The following SNX24 variants were observed in gnomAD, a reference collection of about 807,000 sequenced individuals.
SNX24 encodes sorting nexin 24.
SNX24 carries 22 observed loss-of-function variants against 28.7 expected under a neutral mutation model. That is an observed-to-expected ratio of 0.77 (90% CI 0.55 to 1.10). The LOEUF is 1.10. SNX24 is among the 50% of genes least tolerant of loss of function. The pLI, the probability that SNX24 is intolerant of heterozygous loss-of-function variation, is 0.00. For missense variants in SNX24, 221 were observed against 201.1 expected, an observed-to-expected ratio of 1.10 and a Z score of -0.60; for synonymous variants, 69 against 71.5, an observed-to-expected ratio of 0.96 and a Z score of 0.18.
intron 1 of SNX24, among the ~76,000 whole-genome samples, chr5:122,860,520 C>A (rs965151705): frequency 6.6e-6 from 1 of 152,122 alleles, no homozygotes; most frequent in Non-Finnish European, 1.5e-5. Flanking sequence ...TCAGATTAGC[C>A]CTGTAGGAGA....
chr5:122,928,375 G>T (rs893437761), intron 1 of SNX24, among the ~76,000 whole-genome samples: 4 of 152,110 alleles, frequency 2.6e-5, no homozygotes, highest in African/African-American at 7.2e-5. Flanking sequence ...ATGCAGAAGG[G>T]ACTTGGTAAA....
chr5:122,959,300 G>GTTT (rs1561658236), intron 3 of SNX24, among the ~76,000 whole-genome samples: 2 of 148,050 alleles, frequency 1.4e-5, no homozygotes, highest in Non-Finnish European at 1.5e-5. Context: ...TTTTTTTTTC[G>GTTT]TGTATTCCAT....
At chr5:122,994,042 GTGTGTGTGTGTA>G (rs955868408) in intron 3 of SNX24, among the ~76,000 whole-genome samples, 2 of 151,950 alleles carry the variant, frequency 1.3e-5, no homozygotes, top group Non-Finnish European at 2.9e-5. Flanking sequence ...GGAAAGAAGT[GTGTGTGTGTGTA>G]TGTGTGTGTG....
chr5:122,994,934 G>A (rs946352497), intron 3 of SNX24, among the ~76,000 whole-genome samples: 5 of 152,094 alleles, frequency 3.3e-5, no homozygotes, highest in African/African-American at 1.2e-4. Context: ...TAATATCGAA[G>A]TGAGTCAAAT....
chr5:123,007,887 C>T lies in SNX24; in HGVS notation c.*138C>T. The T allele has an allele frequency of 6.8e-7, 1 of 1,469,740 alleles. No homozygotes were observed. Among genetic ancestry groups the T allele is most frequent in the Non-Finnish European group, 9.0e-7 (1 of 1,111,740 alleles). The allele number at this position is 1,469,740 out of a possible 1,614,324, so 91.0% of individuals were successfully genotyped here. On this transcript the variant is annotated 3_prime_UTR_variant, in exon 7 of 7. Transcript: ENST00000261369. ...TAAAGTGCACAGTCCCAGCTTAATT[C>T]AGGGCAGGGACATTTCCATTAGAAT...
intron 1 of SNX24, among the ~76,000 whole-genome samples, chr5:122,910,619 TC>T (rs1162781897): frequency 1.8e-5 from 1 of 56,562 alleles, no homozygotes; most frequent in Non-Finnish European, 3.2e-5. Context: ...CCCTCCCCCC[TC>T]CCCCCACCCC....
chr5:122,900,308 A>T (rs548303644), intron 1 of SNX24, among the ~76,000 whole-genome samples: 58 of 152,328 alleles, frequency 3.8e-4, no homozygotes, highest in African/African-American at 1.4e-3. Flanking sequence ...ATCACCTCAC[A>T]TAGTTACAAT....
intron 1 of SNX24, among the ~76,000 whole-genome samples, chr5:122,926,966 C>G (rs553913136): frequency 6.6e-6 from 1 of 152,322 alleles, no homozygotes; most frequent in African/African-American, 2.4e-5. Flanking sequence ...CTCTCGTGAT[C>G]ATTTTCCCTA....
intron 3 of SNX24, among the ~76,000 whole-genome samples, chr5:122,962,072 G>C (rs41500644): frequency 0.037 from 5,618 of 152,214 alleles, 163 homozygotes; most frequent in Admixed American, 0.054. Context: ...TAATTTCTTA[G>C]AACAACGTAT....
At chr5:122,920,456 G>A (rs1474106400) in intron 1 of SNX24, among the ~76,000 whole-genome samples, 2 of 152,178 alleles carry the variant, frequency 1.3e-5, no homozygotes, top group Admixed American at 6.5e-5. Context: ...TGCATGGTTC[G>A]ATATGAATGA....
intron 1 of SNX24, among the ~76,000 whole-genome samples, chr5:122,859,999 T>TA: frequency 6.6e-6 from 1 of 152,200 alleles, no homozygotes. Context: ...TGGCTGCCCT[T>TA]AGAGACAATA....
At chr5:122,898,650 T>A (rs1032497263) in intron 1 of SNX24, among the ~76,000 whole-genome samples, 2 of 152,142 alleles carry the variant, frequency 1.3e-5, no homozygotes, top group Non-Finnish European at 2.9e-5. Context: ...ACATTTTGTT[T>A]CTTAAAAAAA....
At chr5:122,896,453 T>G (rs1306973806) in intron 1 of SNX24, among the ~76,000 whole-genome samples, 1 of 152,236 alleles carries the variant, frequency 6.6e-6, no homozygotes, top group Non-Finnish European at 1.5e-5. Context: ...TAGCTGCAGC[T>G]GGCGAATGCT....
At chr5:122,960,803 A>G (rs1247217698) in intron 3 of SNX24, among the ~76,000 whole-genome samples, 2 of 152,170 alleles carry the variant, frequency 1.3e-5, no homozygotes, top group Admixed American at 6.5e-5. Context: ...CTACATTTCA[A>G]AAGACTCACA....
chr5:122,996,029 A>G (rs1219724104), intron 3 of SNX24, among the ~76,000 whole-genome samples: 1 of 152,208 alleles, frequency 6.6e-6, no homozygotes, highest in East Asian at 1.9e-4. Flanking sequence ...GCATTTTAGA[A>G]TAATATATAG....
intron 1 of SNX24, among the ~76,000 whole-genome samples, chr5:122,850,823 G>A (rs1034279230): frequency 1.3e-5 from 2 of 151,140 alleles, no homozygotes; most frequent in Non-Finnish European, 2.9e-5. Context: ...CAGAGAAAGA[G>A]TGAGGAAAGA....
chr5:122,863,895 G>C (rs557246623), intron 1 of SNX24, among the ~76,000 whole-genome samples: 11 of 151,172 alleles, frequency 7.3e-5, no homozygotes, highest in African/African-American at 2.7e-4. Flanking sequence ...GCAGAGGAGC[G>C]ACGTGATTCA....
chr5:122,905,517 G>A (rs151091743), intron 1 of SNX24, among the ~76,000 whole-genome samples: 2,035 of 152,310 alleles, frequency 0.013, 40 homozygotes, highest in African/African-American at 0.032. Flanking sequence ...CTAACATGAT[G>A]CTCAAAGGAA....
chr5:122,899,286 G>T (rs1459367107), intron 1 of SNX24, among the ~76,000 whole-genome samples: 1 of 152,220 alleles, frequency 6.6e-6, no homozygotes, highest in East Asian at 1.9e-4. Flanking sequence ...GGCATAGGTA[G>T]TAGCAGCAGT....
Sources: allele counts gnomAD v4.1 joint callset (sites outside exome capture counted in the v4.1 genomes callset), GRCh38; gene constraint gnomAD v4.1.1; transcripts MANE v1.5; gene names NCBI Gene and HGNC (gene_info 2026-07-23, HGNC 2026-07-21).